The following SFMBT2 variants were observed in gnomAD, a reference collection of about 807,000 sequenced individuals.
SFMBT2 encodes the protein scm-like with four MBT domains protein 2.
In SFMBT2, 38 loss-of-function variants were observed where a neutral mutation model predicts 110.1. That is an observed-to-expected ratio of 0.35 (90% CI 0.27 to 0.45). The LOEUF (loss-of-function observed/expected upper bound fraction) is 0.45. Among genes scored for constraint, SFMBT2 ranks in the 20% least tolerant of loss-of-function variants. The pLI is 1.00. For missense variants in SFMBT2, 1,011 were observed against 1,094.9 expected, an observed-to-expected ratio of 0.92 and a Z score of 1.08; for synonymous variants, 425 against 425.4, an observed-to-expected ratio of 1.00 and a Z score of 0.01.
intron 4 of SFMBT2, among the ~76,000 whole-genome samples, chr10:7,307,423 C>T (rs150891481): frequency 4.7e-4 from 72 of 152,228 alleles, no homozygotes; most frequent in African/African-American, 1.6e-3. Context: ...GGGACCCTGC[C>T]ATACAGATGA....
intron 4 of SFMBT2, among the ~76,000 whole-genome samples, chr10:7,323,887 ACAGAGACATAGG>A (rs1843284996): frequency 6.6e-6 from 1 of 152,194 alleles, no homozygotes; most frequent in South Asian, 2.1e-4. Flanking sequence ...AGTTATAGAG[ACAGAGACATAGG>A]CAGAGACAGA....
intron 12 of SFMBT2, chr10:7,205,315 ATCCTGGGCTCAAGCATTC>A (rs549758688): frequency 0.045 from 35,246 of 786,874 alleles, 761 homozygotes; most frequent in Non-Finnish European, 0.051. Context: ...TGGTCTCAAA[ATCCTGGGCTCAAGCATTC>A]TCCTGCCTTG....
intron 2 of SFMBT2, among the ~76,000 whole-genome samples, chr10:7,378,577 AGT>A (rs966605525): frequency 9.9e-6 from 1 of 101,244 alleles, no homozygotes; most frequent in African/African-American, 3.9e-5. Context: ...GATGGGTGTG[AGT>A]GTGTGTGTGT....
intron 4 of SFMBT2, among the ~76,000 whole-genome samples, chr10:7,358,185 T>C (rs1844583459): frequency 7.4e-6 from 1 of 135,292 alleles, no homozygotes; most frequent in Non-Finnish European, 1.7e-5. Flanking sequence ...GACCTCAACA[T>C]GGCCCTAGAA....
intron 6 of SFMBT2, among the ~76,000 whole-genome samples, chr10:7,282,867 G>A (rs1841985727): frequency 1.0e-5 from 1 of 97,610 alleles, no homozygotes; most frequent in African/African-American, 3.8e-5. Context: ...AAAACTCACC[G>A]GAATGAAGAT....
rs1048951964 is a variant in SFMBT2 at position 7,170,286 on chromosome 10, G to C, written c.2544+642C>G. Among the ~76,000 whole-genome samples, 8 of 152,218 alleles carry C rather than the reference G, an allele frequency of 5.3e-5. No homozygotes were observed. The highest frequency in any genetic ancestry group is 1.9e-4 in the African/African-American group (8 of 41,460). ...AGCTGCAACCCAGATTTGCCAAAAG[G>C]CACTGACAGGAGGCTCAACCAAAAC... On this transcript the variant is annotated intron_variant, in intron 20 of 20. Transcript: ENST00000397167. The surrounding 1 kb of genome is among the most constrained non-coding windows in gnomAD (Gnocchi z 4.6).
chr10:7,327,652 G>A (rs1361025241), intron 4 of SFMBT2, among the ~76,000 whole-genome samples: 4 of 150,296 alleles, frequency 2.7e-5, no homozygotes, highest in Non-Finnish European at 5.9e-5. Context: ...CTGCACTCCA[G>A]CCTGGGAGAC....
At chr10:7,393,179 T>C (rs139654943) in intron 1 of SFMBT2, among the ~76,000 whole-genome samples, 7 of 151,588 alleles carry the variant, frequency 4.6e-5, no homozygotes, top group Non-Finnish European at 8.8e-5. Context: ...TACACGTGCA[T>C]GTAACCACAC....
intron 1 of SFMBT2, among the ~76,000 whole-genome samples, chr10:7,382,733 C>G (rs1845461740): frequency 6.6e-6 from 1 of 152,186 alleles, no homozygotes; most frequent in African/African-American, 2.4e-5. Flanking sequence ...GATCTGTTAC[C>G]AAAACCAGTT....
rs747869907 is a variant in SFMBT2, at chr10:7,284,085, G to A, written c.591C>T (p.Ser197=). ...TVGSLIELQD[S]QNPFQYWIVS... Reference sequence around the variant, plus strand: ...CTATCCAGTACTGAAAAGGGTTCTGGGAATCCTGAAGTTCTATTAAGGAAC... The same window carrying A: ...CTATCCAGTACTGAAAAGGGTTCTGAGAATCCTGAAGTTCTATTAAGGAAC... Residue 197 remains serine, a synonymous_variant, in exon 6 of 21, where the codon TCC becomes TCT. Transcript: ENST00000397167. 1.2e-6 allele frequency: 2 copies of A among 1,614,034 alleles called. No individual in the cohort carries two copies. The highest frequency in any genetic ancestry group is 2.7e-5 in the African/African-American group (2 of 74,894).
chr10:7,348,239 G>A (rs1403851882), intron 4 of SFMBT2: 5 of 1,473,270 alleles, frequency 3.4e-6, no homozygotes, highest in Non-Finnish European at 4.5e-6. Context: ...GGATCGGGGA[G>A]TTGTTTCATT....
intron 4 of SFMBT2, among the ~76,000 whole-genome samples, chr10:7,314,741 C>CT (rs745860207): frequency 6.6e-5 from 10 of 151,904 alleles, no homozygotes; most frequent in Non-Finnish European, 5.9e-5. Context: ...AACCCTGTAT[C>CT]TACTAAAAAT....
chr10:7,368,384 C>T lies in SFMBT2; in HGVS notation c.196-495G>A, dbSNP rs1844969391. On this transcript the variant is annotated intron_variant, in intron 3 of 20. Transcript: ENST00000397167. ...AGGGTGATAGTCTGTTGATATCTAC[C>T]AGCCCTCAACCCCAGAAAAAGCTTT... is the stretch of plus-strand genomic sequence containing the variant. 22 of 985,114 alleles carry T rather than the reference C, an allele frequency of 2.2e-5. No homozygotes were observed. In the South Asian group the frequency reaches 6.6e-4, roughly 29 times the overall value. The allele number at this position is 985,114 out of a possible 1,614,324, so 61.0% of individuals were successfully genotyped here. A position where few individuals can be genotyped will look rare whatever the true frequency, so the allele number is the denominator to read the frequency against.
intron 2 of SFMBT2, among the ~76,000 whole-genome samples, chr10:7,376,763 G>A (rs1277170719): frequency 4.4e-5 from 5 of 112,464 alleles, no homozygotes; most frequent in Non-Finnish European, 8.4e-5. Context: ...AAAAAAGCCT[G>A]GTAATGAGAC....
In SFMBT2 at chr10:7,171,630, T is replaced by G; in HGVS notation, c.2415+265A>C. 1 of 949,084 alleles carries G rather than the reference T, an allele frequency of 1.1e-6. No homozygotes were observed. Among genetic ancestry groups the G allele is most frequent in the Non-Finnish European group, 1.3e-6 (1 of 797,010 alleles). The allele number at this position is 949,084 out of a possible 1,614,324, so 58.8% of individuals were successfully genotyped here. A position where few individuals can be genotyped will look rare whatever the true frequency, so the allele number is the denominator to read the frequency against. The stretch of plus-strand genomic sequence containing the variant: ...TCAAAGGAAACTGAGGACTGTGCCC[T>G]CCTCCTGACAAGAACCCAGGTGGCA... On this transcript the variant is annotated intron_variant, in intron 19 of 20. Coordinates refer to ENST00000397167, the MANE Select transcript of SFMBT2 (RefSeq NM_001387889.1). The surrounding 1 kb of genome is among the most constrained non-coding windows in gnomAD (Gnocchi z 4.9).
intron 1 of SFMBT2, among the ~76,000 whole-genome samples, chr10:7,383,930 G>T (rs1050595546): frequency 6.6e-6 from 1 of 152,044 alleles, no homozygotes; most frequent in African/African-American, 2.4e-5. Flanking sequence ...TCACAGAAAG[G>T]CTGAGTGCGG....
chr10:7,347,154 A>G (rs1388142719), intron 4 of SFMBT2, among the ~76,000 whole-genome samples: 2 of 152,132 alleles, frequency 1.3e-5, no homozygotes, highest in African/African-American at 2.4e-5. Flanking sequence ...CCCCACAGCT[A>G]GGGAGTACCT....
At chr10:7,403,740 G>A (rs1204666436) in intron 1 of SFMBT2, among the ~76,000 whole-genome samples, 1 of 152,182 alleles carries the variant, frequency 6.6e-6, no homozygotes, top group African/African-American at 2.4e-5. Context: ...CAATGTATAA[G>A]ACTAGGATTT....
In SFMBT2 at chr10:7,171,354, G is replaced by C. The variant is rs1448374534; in HGVS notation, c.2416-298C>G. The stretch of plus-strand genomic sequence containing the variant: ...GCCTGCTTATGAACGAAGCATCTCT[G>C]ATTAGAGAAAAGAGGAGAAATACAA... On this transcript the variant is annotated intron_variant, in intron 19 of 20. Coordinates refer to ENST00000397167, the MANE Select transcript of SFMBT2 (RefSeq NM_001387889.1). This position sits in a 1 kb window ranked among gnomAD's most constrained non-coding sequence, Gnocchi z 4.9. 5.3e-5 allele frequency: 52 copies of C among 981,062 alleles called. No homozygotes were observed. The highest frequency in any genetic ancestry group is 5.8e-5 in the Non-Finnish European group (48 of 826,072). 60.8% of individuals were successfully genotyped at this position (981,062 alleles called of 1,614,324 possible).
Sources: gnomAD v4.1 joint callset for allele counts (sites outside exome capture counted in the v4.1 genomes callset) on GRCh38, gnomAD v4.1.1 for gene constraint, Gnocchi (gnomAD v3.1) non-coding constraint, MANE v1.5 for transcripts, NCBI Gene and HGNC (gene_info 2026-07-23, HGNC 2026-07-21) for gene names.